The following CNBD1 variants were observed in gnomAD, a reference collection of about 807,000 sequenced individuals.
CNBD1 encodes cyclic nucleotide-binding domain-containing protein 1.
In CNBD1, 71 loss-of-function variants were observed where a neutral mutation model predicts 54.4. That is an observed-to-expected ratio of 1.30 (90% CI 1.08 to 1.59). The LOEUF (loss-of-function observed/expected upper bound fraction) is 1.59. Among genes scored for constraint, CNBD1 ranks in the 40% most tolerant of loss-of-function variants. The pLI is 0.00. For synonymous variants in CNBD1, 182 were observed against 170.7 expected (o/e 1.07, Z -0.51); for missense variants, 659 against 518.0 (o/e 1.27, Z -2.64).
intron 10 of CNBD1, among the ~76,000 whole-genome samples, chr8:87,355,538 T>C (rs1810403395): frequency 6.6e-6 from 1 of 152,166 alleles, no homozygotes; most frequent in South Asian, 2.1e-4. Context: ...AATACTCAAA[T>C]TGGAAATACA....
At chr8:86,908,262 C>A (rs1021022267) in intron 3 of CNBD1, among the ~76,000 whole-genome samples, 2 of 152,124 alleles carry the variant, frequency 1.3e-5, no homozygotes, top group African/African-American at 4.8e-5. Flanking sequence ...TTGCTTGGGA[C>A]TTTGATCATT....
intron 6 of CNBD1, among the ~76,000 whole-genome samples, chr8:87,267,200 A>G (rs544453587): frequency 2.6e-5 from 4 of 152,226 alleles, no homozygotes; most frequent in Non-Finnish European, 5.9e-5. Context: ...AAATTGGTCT[A>G]TTACAGAACA....
intron 4 of CNBD1, among the ~76,000 whole-genome samples, chr8:87,201,207 G>A (rs1813852805): frequency 6.6e-6 from 1 of 151,916 alleles, no homozygotes; most frequent in Non-Finnish European, 1.5e-5. Context: ...ATGAAAAAAA[G>A]TACTCAACAT....
At chr8:86,958,545 G>C (rs534105136) in intron 4 of CNBD1, among the ~76,000 whole-genome samples, 4 of 152,296 alleles carry the variant, frequency 2.6e-5, no homozygotes, top group Admixed American at 2.6e-4. Context: ...AGGGTAGTTA[G>C]CTCTTCTTGT....
chr8:87,058,908 G>A (rs1810482627), intron 4 of CNBD1, among the ~76,000 whole-genome samples: 1 of 152,148 alleles, frequency 6.6e-6, no homozygotes, highest in African/African-American at 2.4e-5. Context: ...CCCAGAAAAT[G>A]GGGTTTTCTT....
chr8:86,935,639 C>T (rs912722423), intron 3 of CNBD1, among the ~76,000 whole-genome samples: 4 of 151,838 alleles, frequency 2.6e-5, no homozygotes, highest in Non-Finnish European at 4.4e-5. Context: ...TGTTTTTGTT[C>T]TCAAAAATTT....
intron 5 of CNBD1, among the ~76,000 whole-genome samples, chr8:87,229,699 G>A (rs2130819024): frequency 6.6e-6 from 1 of 151,748 alleles, no homozygotes. Context: ...TTTGAATAAG[G>A]ATCATTTTCC....
At chr8:87,337,270 G>T (rs1235369599) in intron 8 of CNBD1, among the ~76,000 whole-genome samples, 1 of 152,266 alleles carries the variant, frequency 6.6e-6, no homozygotes, top group African/African-American at 2.4e-5. Context: ...ACACTCATCT[G>T]GGCTGCCCGG....
intron 10 of CNBD1, among the ~76,000 whole-genome samples, chr8:87,367,745 A>C (rs1483156201): frequency 6.6e-6 from 1 of 152,168 alleles, no homozygotes; most frequent in Non-Finnish European, 1.5e-5. Flanking sequence ...GTATAGAAAG[A>C]TTAAGTGATA....
At chr8:87,111,296 T>G (rs936611426) in intron 4 of CNBD1, among the ~76,000 whole-genome samples, 10 of 152,184 alleles carry the variant, frequency 6.6e-5, no homozygotes, top group African/African-American at 2.2e-4. Context: ...AGTAGGCCCA[T>G]GTACCCAGCA....
chr8:87,423,174 G>A (rs1425575846), intron 2 of CNBD1, among the ~76,000 whole-genome samples: 1 of 152,054 alleles, frequency 6.6e-6, no homozygotes, highest in Non-Finnish European at 1.5e-5. Context: ...GGAGATTTTG[G>A]GCTGAGACGA....
At chr8:86,906,223 T>C (rs1054110180) in intron 3 of CNBD1, among the ~76,000 whole-genome samples, 59 of 152,324 alleles carry the variant, frequency 3.9e-4, no homozygotes, top group African/African-American at 1.4e-3. Flanking sequence ...GTAACAAATA[T>C]GTCTCCAGGG....
Position 87,092,393 on chromosome 8 carries a change from ATG to A in CNBD1, c.432-113588_432-113587del, listed in dbSNP as rs1269097141. Among the ~76,000 whole-genome samples, 138 of 145,530 alleles carry A rather than the reference ATG, an allele frequency of 9.5e-4. No homozygotes were observed. In the East Asian group the frequency reaches 0.016, roughly 17 times the overall value. ...TATGTATGTGTGTGTGTGTATATAT[ATG>A]TGTGTGTGTGTATATGTGTGTGTAT... On this transcript the variant is annotated intron_variant, in intron 4 of 10. Coordinates refer to ENST00000518476, the MANE Select transcript of CNBD1 (RefSeq NM_173538.3).
intron 8 of CNBD1, among the ~76,000 whole-genome samples, chr8:87,319,920 A>C (rs1809483285): frequency 6.6e-6 from 1 of 151,996 alleles, no homozygotes; most frequent in African/African-American, 2.4e-5. Context: ...TTGATGTTTT[A>C]ACAACAAAAT....
At chr8:87,283,171 T>C (rs945353799) in intron 6 of CNBD1, among the ~76,000 whole-genome samples, 1 of 152,132 alleles carries the variant, frequency 6.6e-6, no homozygotes, top group Non-Finnish European at 1.5e-5. Flanking sequence ...AATGAATTCT[T>C]TTTAAAATTA....
At chr8:87,180,092 C>T (rs1813281319) in intron 4 of CNBD1, among the ~76,000 whole-genome samples, 1 of 151,998 alleles carries the variant, frequency 6.6e-6, no homozygotes, top group Admixed American at 6.6e-5. Flanking sequence ...ACTTAAATTT[C>T]TGAATTGCTT....
chr8:87,338,619 G>GTT (rs71277935), intron 8 of CNBD1, among the ~76,000 whole-genome samples: 38,264 of 139,814 alleles, frequency 0.27, 5,793 homozygotes, highest in Middle Eastern at 0.41. Flanking sequence ...TTTTTTCTTT[G>GTT]TTTTTTTTTT....
rs527244820 is a variant in CNBD1 at position 87,265,491 on chromosome 8, T to C, written c.772-19187T>C. 4.9e-4 allele frequency among the ~76,000 whole-genome samples: 75 copies of C among 152,274 alleles called. 1 individual carries two copies. The highest frequency in any genetic ancestry group is 1.8e-3 in the African/African-American group (74 of 41,532). ...ATTGACTTGGCAATATGGGCTGTTTTTTGCTTAAATGTTAAAAAGTATTTT... is the reference window on the plus strand; with the variant it reads ...ATTGACTTGGCAATATGGGCTGTTTCTTGCTTAAATGTTAAAAAGTATTTT... On this transcript the variant is annotated intron_variant, in intron 6 of 10. Coordinates refer to ENST00000518476, the MANE Select transcript of CNBD1 (RefSeq NM_173538.3).
chr8:86,964,313 T>C (rs1471542835), intron 4 of CNBD1, among the ~76,000 whole-genome samples: 1 of 152,164 alleles, frequency 6.6e-6, no homozygotes, highest in Non-Finnish European at 1.5e-5. Context: ...TCCCGTTTCA[T>C]CATTGGGGTC....
Sources: allele counts gnomAD v4.1 joint callset (sites outside exome capture counted in the v4.1 genomes callset), GRCh38; gene constraint gnomAD v4.1.1; transcripts MANE v1.5; gene names NCBI Gene and HGNC (gene_info 2026-07-23, HGNC 2026-07-21).